The following PRDM6 variants were observed in gnomAD, a reference collection of about 807,000 sequenced individuals.
The protein encoded by PRDM6 is putative histone-lysine N-methyltransferase PRDM6.
Under a neutral mutation model 60.8 loss-of-function variants are expected in PRDM6, and 25 were observed. The observed-to-expected ratio is 0.41, with a 90% confidence interval of 0.30 to 0.57. The LOEUF is 0.57. Among genes scored for constraint, PRDM6 ranks in the 20% least tolerant of loss-of-function variants. PRDM6 has a pLI of 0.27. For missense variants in PRDM6, 839 were observed against 821.3 expected, an observed-to-expected ratio of 1.02 and a Z score of -0.26; for synonymous variants, 407 against 357.4, an observed-to-expected ratio of 1.14 and a Z score of -1.57.
intron 4 of PRDM6, among the ~76,000 whole-genome samples, chr5:123,157,727 C>G (rs1765534080): frequency 6.6e-6 from 1 of 152,190 alleles, no homozygotes; most frequent in African/African-American, 2.4e-5. Flanking sequence ...TGAATGTCCT[C>G]TTCACAAAAA....
chr5:123,187,996 T>A lies in PRDM6; in HGVS notation c.*795T>A, dbSNP rs185168968. ...AGAAACATTTGTTTTCAATAACATT[T>A]TAGCTTAAAAAAAAAAAAAGAAAAT... On this transcript the variant is annotated 3_prime_UTR_variant, in exon 8 of 8. Transcript: ENST00000407847. The A allele has an allele frequency of 4.0e-5, 6 of 150,434 alleles. No individual in the cohort carries two copies. The highest frequency in any genetic ancestry group is 3.4e-3 in the Middle Eastern group (1 of 292). 9.3% of individuals were successfully genotyped at this position (150,434 alleles called of 1,614,324 possible).
chr5:123,139,609 G>T (rs546827030), intron 3 of PRDM6, among the ~76,000 whole-genome samples: 70 of 152,210 alleles, frequency 4.6e-4, no homozygotes, highest in African/African-American at 1.6e-3. Flanking sequence ...ACTGGTATAT[G>T]CTGAACCAGT....
In PRDM6 at chr5:123,193,650, A is replaced by C. The variant is rs1296633746; in HGVS notation, c.*6449A>C. 3 of 152,204 alleles carry C rather than the reference A, an allele frequency of 2.0e-5. No individual in the cohort carries two copies. The highest frequency in any genetic ancestry group is 2.9e-5 in the Non-Finnish European group (2 of 68,044). 9.4% of individuals were successfully genotyped at this position (152,204 alleles called of 1,614,324 possible). ...GGTGATGACTAACGAATTAAGGAAA[A>C]CTTTGGCTCAGATCAGCAAAATTAT... On this transcript the variant is annotated 3_prime_UTR_variant, in exon 8 of 8. Transcript: ENST00000407847.
At chr5:123,103,762 C>T (rs139558784) in intron 3 of PRDM6, among the ~76,000 whole-genome samples, 13 of 151,944 alleles carry the variant, frequency 8.6e-5, no homozygotes, top group African/African-American at 2.4e-4. Context: ...GAATAAAATA[C>T]GGAAGTTTAA....
chr5:123,182,900 A>C (rs1274979521), intron 7 of PRDM6, among the ~76,000 whole-genome samples: 1 of 152,182 alleles, frequency 6.6e-6, no homozygotes, highest in Non-Finnish European at 1.5e-5. Context: ...AGATTTAAAC[A>C]TCTTCTAGGA....
At position 123,112,480 on chromosome 5, in the gene PRDM6, C is replaced by T. The variant is rs578250690; in HGVS notation, c.900+12519C>T. Among the ~76,000 whole-genome samples, 22 of 152,328 alleles carry T rather than the reference C, an allele frequency of 1.4e-4. No homozygotes were observed. The South Asian group carries it at 3.7e-3, about 26-fold the overall frequency. On this transcript the variant is annotated intron_variant, in intron 3 of 7. Coordinates refer to ENST00000407847, the MANE Select transcript of PRDM6 (RefSeq NM_001136239.4). ...TCCCATTGCTGCTGTTGATGGAAGT[C>T]ATCCGAGCATGTAGCCTGTTTTCTG...
intron 3 of PRDM6, among the ~76,000 whole-genome samples, chr5:123,129,326 G>A (rs1459166456): frequency 6.6e-6 from 1 of 152,158 alleles, no homozygotes; most frequent in African/African-American, 2.4e-5. Context: ...GATGGGGATA[G>A]CATTGAATCT....
At chr5:123,120,912 A>G (rs144336981) in intron 3 of PRDM6, among the ~76,000 whole-genome samples, 78 of 152,316 alleles carry the variant, frequency 5.1e-4, no homozygotes, top group African/African-American at 1.8e-3. Flanking sequence ...TATCTCTCTT[A>G]CAGAGTTATT....
At chr5:123,127,472 G>A (rs1186164368) in intron 3 of PRDM6, among the ~76,000 whole-genome samples, 1 of 152,228 alleles carries the variant, frequency 6.6e-6, no homozygotes, top group East Asian at 1.9e-4. Flanking sequence ...CAGTCTCTGT[G>A]TGTAGCATCG....
chr5:123,177,054 C>T (rs1766028547), intron 6 of PRDM6, among the ~76,000 whole-genome samples: 1 of 152,166 alleles, frequency 6.6e-6, no homozygotes, highest in African/African-American at 2.4e-5. Flanking sequence ...GTCTTAACTC[C>T]TGTGGCCAGT....
chr5:123,102,349 T>C (rs1447801979), intron 3 of PRDM6, among the ~76,000 whole-genome samples: 1 of 152,202 alleles, frequency 6.6e-6, no homozygotes, highest in African/African-American at 2.4e-5. Flanking sequence ...TGATTTATTT[T>C]TATGAAACAT....
At chr5:123,170,463 G>A (rs1765859827) in intron 5 of PRDM6, among the ~76,000 whole-genome samples, 1 of 152,184 alleles carries the variant, frequency 6.6e-6, no homozygotes, top group Non-Finnish European at 1.5e-5. Context: ...TCCAGGCATA[G>A]GTGCAGTGTG....
intron 6 of PRDM6, among the ~76,000 whole-genome samples, chr5:123,172,611 A>C (rs1765918180): frequency 6.6e-6 from 1 of 152,236 alleles, no homozygotes; most frequent in Admixed American, 6.5e-5. Flanking sequence ...GTAGTCTTTA[A>C]AATACAAAAG....
At chr5:123,183,296 G>A (rs375959110) in intron 7 of PRDM6, among the ~76,000 whole-genome samples, 1 of 152,138 alleles carries the variant, frequency 6.6e-6, no homozygotes, top group Admixed American at 6.5e-5. Flanking sequence ...GGCTCAGGAG[G>A]CCTTTACAGA....
At chr5:123,155,708 T>A (rs1379458458) in intron 3 of PRDM6, among the ~76,000 whole-genome samples, 176 bp from the exon 4 acceptor site, 1 of 152,212 alleles carries the variant, frequency 6.6e-6, no homozygotes, top group African/African-American at 2.4e-5. Flanking sequence ...TCGACTTGCA[T>A]CATCAAAACA....
chr5:123,181,232 A>G (rs1158777734), intron 7 of PRDM6, among the ~76,000 whole-genome samples: 1 of 152,240 alleles, frequency 6.6e-6, no homozygotes, highest in Non-Finnish European at 1.5e-5. Flanking sequence ...CCTTTTCTCC[A>G]TCTTTGAAAA....
chr5:123,144,434 C>T (rs983413166), intron 3 of PRDM6, among the ~76,000 whole-genome samples: 8 of 152,212 alleles, frequency 5.3e-5, no homozygotes, highest in African/African-American at 1.9e-4. Flanking sequence ...GACCCACCTT[C>T]ACAACTAGGT....
At chr5:123,148,479 T>C (rs964575374) in intron 3 of PRDM6, among the ~76,000 whole-genome samples, 7 of 152,100 alleles carry the variant, frequency 4.6e-5, no homozygotes, top group Non-Finnish European at 7.4e-5. Flanking sequence ...AAAAAATGTA[T>C]AATATATATT....
At chr5:123,148,695 T>G (rs1486945945) in intron 3 of PRDM6, among the ~76,000 whole-genome samples, 2 of 152,198 alleles carry the variant, frequency 1.3e-5, no homozygotes, top group Non-Finnish European at 2.9e-5. Context: ...TGTTTACATT[T>G]TAATAACATT....
Sources: allele counts gnomAD v4.1 joint callset (sites outside exome capture counted in the v4.1 genomes callset), GRCh38; gene constraint gnomAD v4.1.1; transcripts MANE v1.5; gene names NCBI Gene and HGNC (gene_info 2026-07-23, HGNC 2026-07-21).